Variants in IKZF2 observed in about 807,000 individuals in gnomAD.
IKZF2 encodes IKAROS family zinc finger 2, also known as zinc finger protein Helios.
A neutral mutation model predicts 49.2 loss-of-function variants in IKZF2; 15 were observed. The ratio of observed to expected loss-of-function variants is 0.30; its 90% CI spans 0.20 to 0.47. The LOEUF (loss-of-function observed/expected upper bound fraction) is 0.47. IKZF2 is among the 20% of genes least tolerant of loss of function. IKZF2 has a pLI of 1.00. For missense variants in IKZF2, 567 were observed against 664.6 expected (o/e 0.85, Z 1.61); for synonymous variants, 227 against 221.4 (o/e 1.03, Z -0.23).
At chr2:213,074,747 A>G (rs1002300144) in intron 4 of IKZF2, among the ~76,000 whole-genome samples, 2 of 152,234 alleles carry the variant, frequency 1.3e-5, no homozygotes, top group East Asian at 3.8e-4. Context: ...GTTTTGCTAC[A>G]GTAATAGAAT....
At chr2:213,032,393 T>C (rs1156651062) in intron 6 of IKZF2, among the ~76,000 whole-genome samples, 2 of 152,166 alleles carry the variant, frequency 1.3e-5, no homozygotes, top group African/African-American at 2.4e-5. Context: ...GAATTGTGTA[T>C]AAAAACAATG....
At position 213,147,528 on chromosome 2, in the gene IKZF2, G is replaced by T. The variant is rs970755161; in HGVS notation, c.139+180C>A. On this transcript the variant is annotated intron_variant, in intron 4 of 8. Transcript: ENST00000434687. Reference sequence around the variant, plus strand: ...ACCTTGGGATAGTTCAGACTAGTAAGCAGGCTCATGTTTTATAATACTAGA... The same window carrying T: ...ACCTTGGGATAGTTCAGACTAGTAATCAGGCTCATGTTTTATAATACTAGA... The T allele has an allele frequency of 7.1e-6, 5 of 699,326 alleles. No individual in the cohort carries two copies. In the African/African-American group the frequency reaches 8.8e-5, roughly 12 times the overall value. The allele number at this position is 699,326 out of a possible 1,614,324, so 43.3% of individuals were successfully genotyped here.
intron 4 of IKZF2, among the ~76,000 whole-genome samples, chr2:213,109,655 C>T (rs1032546893): frequency 4.6e-5 from 7 of 151,966 alleles, no homozygotes; most frequent in Admixed American, 4.6e-4. Flanking sequence ...TTTATATTAA[C>T]TGTACTATGA....
intron 4 of IKZF2, among the ~76,000 whole-genome samples, chr2:213,116,852 T>C (rs2125807827): frequency 6.6e-6 from 1 of 152,310 alleles, no homozygotes; most frequent in East Asian, 1.9e-4. Flanking sequence ...TCTCCTTAAT[T>C]AACCTGCATT....
chr2:213,082,609 C>G (rs1458899466), intron 4 of IKZF2, among the ~76,000 whole-genome samples: 1 of 152,128 alleles, frequency 6.6e-6, no homozygotes, highest in Non-Finnish European at 1.5e-5. Context: ...GTCAATATCC[C>G]ATATCATTCA....
intron 4 of IKZF2, among the ~76,000 whole-genome samples, chr2:213,127,204 T>C (rs979247230): frequency 2.0e-5 from 3 of 152,168 alleles, no homozygotes; most frequent in Non-Finnish European, 2.9e-5. Context: ...GTAAATAAAA[T>C]GGGTATAAGG....
At chr2:213,150,910 T>G (rs1006669322) in intron 1 of IKZF2, among the ~76,000 whole-genome samples, 2 of 151,980 alleles carry the variant, frequency 1.3e-5, no homozygotes, top group African/African-American at 2.4e-5. Flanking sequence ...TTTGGTTTTT[T>G]TTTTTTTTTA....
In IKZF2 at chr2:213,062,117, GATA is replaced by G. The variant is rs1043284390; in HGVS notation, c.140-5021_140-5019del. Among the ~76,000 whole-genome samples the G allele has an allele frequency of 2.2e-4, 33 of 151,466 alleles. 1 individual carries two copies. Among genetic ancestry groups the G allele is most frequent in the Admixed American group, 4.6e-4 (7 of 15,184 alleles). ...TATTAATTTTAAATTTTCAAATTAA[GATA>G]ATAAATTCTACCCTCATCATTAGAA... On this transcript the variant is annotated intron_variant, in intron 4 of 8. Transcript: ENST00000434687.
At position 213,004,886 on chromosome 2, in the gene IKZF2, T is replaced by C. The variant is rs1423354805; in HGVS notation, c.*2474A>G. On this transcript the variant is annotated 3_prime_UTR_variant, in exon 9 of 9. Coordinates refer to ENST00000434687, the MANE Select transcript of IKZF2 (RefSeq NM_001387220.1). ...TCAATAAAACAGATTCCCAAAAAGA[T>C]GAAATCAGAAAAGGAAAGTGCCTCA... The C allele has an allele frequency of 1.3e-5, 2 of 152,242 alleles. No individual in the cohort carries two copies. The highest frequency in any genetic ancestry group is 3.9e-4 in the East Asian group (2 of 5,156). 9.4% of individuals were successfully genotyped at this position (152,242 alleles called of 1,614,324 possible).
intron 4 of IKZF2, among the ~76,000 whole-genome samples, chr2:213,084,840 T>C (rs1460152890): frequency 6.6e-6 from 1 of 152,236 alleles, no homozygotes; most frequent in Non-Finnish European, 1.5e-5. Flanking sequence ...AGTATCCCTT[T>C]GCATTGGATG....
At chr2:213,039,008 T>G (rs929786851) in intron 6 of IKZF2, among the ~76,000 whole-genome samples, 2 of 152,084 alleles carry the variant, frequency 1.3e-5, no homozygotes, top group African/African-American at 4.8e-5. Context: ...ATGGTAATTT[T>G]TTTTTTTTAT....
Position 213,000,256 on chromosome 2 carries a change from A to ATT in IKZF2, c.*7103_*7104insAA, listed in dbSNP as rs1694771807. The ATT allele has an allele frequency of 6.8e-6, 1 of 146,654 alleles. No homozygotes were observed. The highest frequency in any genetic ancestry group is 1.5e-5 in the Non-Finnish European group (1 of 66,374). The allele number at this position is 146,654 out of a possible 1,614,324, so 9.1% of individuals were successfully genotyped here. A position where few individuals can be genotyped will look rare whatever the true frequency, so the allele number is the denominator to read the frequency against. On this transcript the variant is annotated 3_prime_UTR_variant, in exon 9 of 9. Coordinates refer to ENST00000434687, the MANE Select transcript of IKZF2 (RefSeq NM_001387220.1). ...ATTTTAACTTTACATATATATTTAT[A>ATT]TATATATATATATATTTCTTTTTTA...
chr2:213,079,399 AGAAG>A (rs199725055), intron 4 of IKZF2, among the ~76,000 whole-genome samples: 130 of 134,100 alleles, frequency 9.7e-4, no homozygotes, highest in African/African-American at 3.4e-3. Flanking sequence ...AAAGGAAGAA[AGAAG>A]GAAGGAAGGA....
chr2:213,095,056 A>G (rs2125668876), intron 4 of IKZF2, among the ~76,000 whole-genome samples: 1 of 152,298 alleles, frequency 6.6e-6, no homozygotes, highest in Middle Eastern at 3.4e-3. Context: ...ATAAACATCC[A>G]TAAAGGCAAC....
chr2:213,032,998 C>T (rs1190588601), intron 6 of IKZF2, among the ~76,000 whole-genome samples: 1 of 152,190 alleles, frequency 6.6e-6, no homozygotes, highest in Non-Finnish European at 1.5e-5. Context: ...TTGGATTCAA[C>T]TCTCTCAAAC....
chr2:213,147,659 G>T, intron 4 of IKZF2, 49 bp downstream of exon 4: 1 of 1,354,712 alleles, frequency 7.4e-7, no homozygotes, highest in Non-Finnish European at 1.1e-6. Context: ...AAAGTCTGTT[G>T]CTGGAGAGAC....
chr2:213,031,929 C>T (rs916150059), intron 6 of IKZF2, among the ~76,000 whole-genome samples: 6 of 151,936 alleles, frequency 3.9e-5, no homozygotes, highest in Admixed American at 6.6e-5. Flanking sequence ...CCATTTAACC[C>T]CTAGGGATGC....
chr2:213,070,560 A>T (rs1024527002), intron 4 of IKZF2, among the ~76,000 whole-genome samples: 1 of 152,106 alleles, frequency 6.6e-6, no homozygotes, highest in Non-Finnish European at 1.5e-5. Flanking sequence ...TAAGCAAATC[A>T]ATTTATCAAA....
intron 4 of IKZF2, among the ~76,000 whole-genome samples, chr2:213,087,607 T>C (rs886968319): frequency 6.6e-6 from 1 of 152,108 alleles, no homozygotes; most frequent in Admixed American, 6.6e-5. Context: ...AACTCATCAT[T>C]TACATTAGGT....
Sources: allele counts gnomAD v4.1 joint callset (sites outside exome capture counted in the v4.1 genomes callset), GRCh38; gene constraint gnomAD v4.1.1; transcripts MANE v1.5; gene names NCBI Gene and HGNC (gene_info 2026-07-23, HGNC 2026-07-21).